ALG5: variants seen among roughly 807,000 people sequenced by gnomAD.
ALG5 encodes ALG5 dolichyl-phosphate beta-glucosyltransferase, also known as dolichyl-phosphate beta-glucosyltransferase.
ALG5 carries 26 observed loss-of-function variants against 51.8 expected under a neutral mutation model. That is an observed-to-expected ratio of 0.50 (90% CI 0.37 to 0.70). The LOEUF (loss-of-function observed/expected upper bound fraction) is 0.70, where lower values mean the gene tolerates loss of function less well. Ranked by LOEUF, ALG5 falls within the 30% of genes least tolerant of loss-of-function variation. ALG5 has a pLI of 0.00. For missense variants in ALG5, 311 were observed against 399.3 expected (o/e 0.78, Z 1.88); for synonymous variants, 141 against 136.1 (o/e 1.04, Z -0.25).
At chr13:36,962,724 T>C (rs1027902731) in intron 8 of ALG5, among the ~76,000 whole-genome samples, 2 of 152,214 alleles carry the variant, frequency 1.3e-5, no homozygotes, top group Non-Finnish European at 2.9e-5. Context: ...ACCCCATTAA[T>C]GTTCTTTAAC....
chr13:36,964,368 G>C (rs1026787537), intron 8 of ALG5, among the ~76,000 whole-genome samples: 3 of 152,162 alleles, frequency 2.0e-5, no homozygotes, highest in African/African-American at 7.2e-5. Context: ...GTATGGAGAA[G>C]GATGGTGTTC....
intron 4 of ALG5, among the ~76,000 whole-genome samples, chr13:36,991,556 G>C (rs2059025489): frequency 6.6e-6 from 1 of 152,184 alleles, no homozygotes; most frequent in Admixed American, 6.5e-5. Flanking sequence ...CAATAATGCA[G>C]TGACAACTGT....
chr13:36,975,899 T>C (rs1405095562), intron 6 of ALG5, among the ~76,000 whole-genome samples: 1 of 151,492 alleles, frequency 6.6e-6, no homozygotes, highest in African/African-American at 2.4e-5. Context: ...CGTGCCCCTG[T>C]AGTCCCAGCT....
intron 5 of ALG5, among the ~76,000 whole-genome samples, chr13:36,988,940 A>T (rs1484441036): frequency 1.3e-5 from 2 of 152,212 alleles, no homozygotes; most frequent in African/African-American, 4.8e-5. Context: ...TGATTTTTAA[A>T]CTTCCAGCTT....
intron 8 of ALG5, among the ~76,000 whole-genome samples, chr13:36,956,709 C>G (rs2058841427): frequency 1.3e-5 from 2 of 152,136 alleles, no homozygotes; most frequent in Admixed American, 1.3e-4. Flanking sequence ...TCTAATACAT[C>G]TTGCAACTGC....
Position 36,994,983 on chromosome 13 carries a change from T to C in ALG5, c.285+6A>G, listed in dbSNP as rs374164873. ...AGATATCATATTAAAAGAGAAAACA[T>C]GATACCTGTCTCTTCTCTAGATAGC... On this transcript the variant is annotated splice_donor_region_variant and intron_variant, in intron 3 of 9. Coordinates refer to ENST00000239891, the MANE Select transcript of ALG5 (RefSeq NM_013338.5). 6.2e-6 allele frequency: 10 copies of C among 1,611,338 alleles called. No individual in the cohort carries two copies. Among genetic ancestry groups the C allele is most frequent in the Non-Finnish European group, 8.5e-6 (10 of 1,178,444 alleles).
intron 7 of ALG5, among the ~76,000 whole-genome samples, chr13:36,967,500 T>TTACTTTA (rs2058900396): frequency 6.6e-6 from 1 of 152,188 alleles, no homozygotes; most frequent in South Asian, 2.1e-4. Context: ...GCTTGAAAGC[T>TTACTTTA]TACTTTACTC....
intron 5 of ALG5, among the ~76,000 whole-genome samples, 158 bp from the exon 6 acceptor site, chr13:36,985,898 T>C (rs565902380): frequency 6.6e-6 from 1 of 152,314 alleles, no homozygotes; most frequent in South Asian, 2.1e-4. Context: ...TACCTGTATA[T>C]TAAGATCTTC....
chr13:36,996,358 T>C (rs1337492821), intron 1 of ALG5, among the ~76,000 whole-genome samples: 2 of 152,226 alleles, frequency 1.3e-5, no homozygotes, highest in Non-Finnish European at 2.9e-5. Flanking sequence ...TTTGAAGACA[T>C]TATCAAATTG....
intron 6 of ALG5, among the ~76,000 whole-genome samples, chr13:36,972,519 A>AC (rs2058928987): frequency 1.3e-5 from 2 of 151,562 alleles, no homozygotes; most frequent in African/African-American, 2.4e-5. Flanking sequence ...GATATAATCG[A>AC]AGCATTTATA....
In ALG5 at chr13:36,998,991, C is replaced by T. The variant is rs565496364; in HGVS notation, c.66+244G>A. On this transcript the variant is annotated intron_variant, in intron 1 of 9. Coordinates refer to ENST00000239891, the MANE Select transcript of ALG5 (RefSeq NM_013338.5). ...TGATGCCAGGCCGGGTGGGTGCGCT[C>T]CAGTGTGAAAAAACTTACAAGTCTC... is the stretch of plus-strand genomic sequence containing the variant. The T allele has an allele frequency of 2.6e-5, 10 of 386,434 alleles. No homozygotes were observed. The South Asian group carries it at 3.6e-4, about 14-fold the overall frequency. The allele number at this position is 386,434 out of a possible 1,614,324, so 23.9% of individuals were successfully genotyped here. A position where few individuals can be genotyped will look rare whatever the true frequency, so the allele number is the denominator to read the frequency against.
Position 36,999,262 on chromosome 13 carries a change from C to G in ALG5, c.39G>C (p.Ala13=). ...PLLLQLAVLG[A]ALAAAALVLI... Reference sequence around the variant, plus strand: ...GTACGAGGGCTGCGGCCGCCAGCGCCGCGCCGAGCACCGCCAGCTGCAACA... The same window carrying G: ...GTACGAGGGCTGCGGCCGCCAGCGCGGCGCCGAGCACCGCCAGCTGCAACA... The change falls in exon 1 of 10, where the codon GCG becomes GCC. Residue 13 remains alanine (A), a synonymous_variant. Transcript: ENST00000239891. The G allele has an allele frequency of 6.3e-7, 1 of 1,580,512 alleles. No individual in the cohort carries two copies. Among genetic ancestry groups the G allele is most frequent in the Non-Finnish European group, 8.6e-7 (1 of 1,166,240 alleles).
intron 8 of ALG5, chr13:36,952,813 T>C (rs1404428115): frequency 5.7e-6 from 2 of 353,090 alleles, no homozygotes; most frequent in East Asian, 1.1e-4. Flanking sequence ...CATAATATTG[T>C]ATCTCTATTA....
rs551761267 is a variant in ALG5, at chr13:36,980,388, C to T, written c.561+5239G>A. Among the ~76,000 whole-genome samples the T allele has an allele frequency of 2.5e-3, 378 of 152,000 alleles. 2 individuals carry two copies. The highest frequency in any genetic ancestry group is 8.6e-3 in the African/African-American group (358 of 41,448). ...TAGCTGGGCTTACAGGTGTGCGCTACGACACCTGGCTAATTTTTAGTAGAG... is the reference window on the plus strand; with the variant it reads ...TAGCTGGGCTTACAGGTGTGCGCTATGACACCTGGCTAATTTTTAGTAGAG... On this transcript the variant is annotated intron_variant, in intron 6 of 9. Transcript: ENST00000239891.
intron 7 of ALG5, among the ~76,000 whole-genome samples, chr13:36,971,735 A>T (rs1257718451): frequency 6.6e-6 from 1 of 152,044 alleles, no homozygotes; most frequent in Non-Finnish European, 1.5e-5. Context: ...TATTAAAAAG[A>T]ACTGCTTCCA....
At chr13:36,953,663 A>G (rs916542455) in intron 8 of ALG5, among the ~76,000 whole-genome samples, 5 of 152,126 alleles carry the variant, frequency 3.3e-5, no homozygotes, top group African/African-American at 1.2e-4. Context: ...CTTATATTTG[A>G]TTTCTCCAAT....
chr13:36,999,042 A>C (rs2059069134), intron 1 of ALG5, 193 bp downstream of exon 1: 1 of 446,302 alleles, frequency 2.2e-6, no homozygotes, highest in Non-Finnish European at 3.8e-6. Flanking sequence ...ATAAGATTCC[A>C]AGGGAAAATT....
intron 4 of ALG5, among the ~76,000 whole-genome samples, chr13:36,993,029 G>T (rs1342840355): frequency 2.0e-5 from 3 of 152,180 alleles, no homozygotes; most frequent in African/African-American, 7.2e-5. Flanking sequence ...CACAGCCTCA[G>T]CTGGGTCTAG....
At chr13:36,989,741 C>G (rs958336723) in intron 4 of ALG5, among the ~76,000 whole-genome samples, 165 bp from the exon 5 acceptor site, 4 of 152,212 alleles carry the variant, frequency 2.6e-5, no homozygotes, top group Non-Finnish European at 5.9e-5. Context: ...CTGTAGAAAT[C>G]TTGGTGCCAT....
Sources: gnomAD v4.1 joint callset for allele counts (sites outside exome capture counted in the v4.1 genomes callset) on GRCh38, gnomAD v4.1.1 for gene constraint, MANE v1.5 for transcripts, NCBI Gene and HGNC (gene_info 2026-07-23, HGNC 2026-07-21) for gene names.